SPON1: variants seen among roughly 807,000 people sequenced by gnomAD.
SPON1 encodes spondin-1.
SPON1 carries 52 observed loss-of-function variants against 111.7 expected under a neutral mutation model. The ratio of observed to expected loss-of-function variants is 0.47; its 90% CI spans 0.37 to 0.59. The LOEUF is 0.59. SPON1 is among the 20% of genes least tolerant of loss of function. SPON1 has a pLI of 0.00. For synonymous variants in SPON1, 410 were observed against 395.8 expected (o/e 1.04, Z -0.43); for missense variants, 957 against 1,068.5 (o/e 0.90, Z 1.46).
At chr11:14,049,229 C>A (rs1848690810) in intron 3 of SPON1, among the ~76,000 whole-genome samples, 1 of 152,114 alleles carries the variant, frequency 6.6e-6, no homozygotes, top group South Asian at 2.1e-4. Flanking sequence ...TGAACTCTGA[C>A]TCTTCTCTCC....
At position 14,254,821 on chromosome 11, in the gene SPON1, C is replaced by A. The variant is rs1849089196; in HGVS notation, c.1092+92C>A. ...AGAGGGGATCTGTCCCAGGCTCTGTCCTAGGTGAACTTTCAGTCTGGCTGG... is the reference window on the plus strand; with the variant it reads ...AGAGGGGATCTGTCCCAGGCTCTGTACTAGGTGAACTTTCAGTCTGGCTGG... On this transcript the variant is annotated intron_variant, in intron 8 of 15. Coordinates refer to ENST00000576479, the MANE Select transcript of SPON1 (RefSeq NM_006108.4). The A allele has an allele frequency of 8.6e-6, 11 of 1,281,510 alleles. No individual in the cohort carries two copies. The South Asian group carries it at 1.5e-4, about 18-fold the overall frequency. 79.4% of individuals were successfully genotyped at this position (1,281,510 alleles called of 1,614,324 possible).
At chr11:14,160,935 A>ATATATATTTATATATTTATATATATT (rs1847935657) in intron 6 of SPON1, among the ~76,000 whole-genome samples, 1 of 11,920 alleles carries the variant, frequency 8.4e-5, no homozygotes, top group Non-Finnish European at 1.5e-4. Context: ...TTATATATTT[A>ATATATATTTATATATTTATATATATT]TATATATATT....
At chr11:14,137,166 C>T (rs1847602147) in intron 6 of SPON1, among the ~76,000 whole-genome samples, 1 of 152,188 alleles carries the variant, frequency 6.6e-6, no homozygotes, top group Non-Finnish European at 1.5e-5. Context: ...CTGCAGGAAT[C>T]ATACATAACT....
chr11:14,000,219 C>A (rs1042944087), intron 2 of SPON1, among the ~76,000 whole-genome samples: 17 of 152,244 alleles, frequency 1.1e-4, no homozygotes, highest in African/African-American at 4.1e-4. Context: ...ATTTCCTCAT[C>A]CCTCTACCTG....
chr11:14,236,158 G>A (rs1465924148), intron 6 of SPON1, among the ~76,000 whole-genome samples: 8 of 152,138 alleles, frequency 5.3e-5, no homozygotes, highest in African/African-American at 1.7e-4. Context: ...GAGGAAGGGA[G>A]GGGAGGTAGA....
intron 5 of SPON1, among the ~76,000 whole-genome samples, chr11:14,124,701 A>G (rs1396656997): frequency 3.3e-5 from 5 of 152,266 alleles, no homozygotes; most frequent in African/African-American, 1.2e-4. Context: ...GAAAGTGGCC[A>G]TAAACAATAG....
intron 6 of SPON1, among the ~76,000 whole-genome samples, chr11:14,232,925 G>A (rs1417558219): frequency 2.0e-5 from 3 of 152,104 alleles, no homozygotes; most frequent in Non-Finnish European, 4.4e-5. Context: ...AGTAAACAGA[G>A]GCCGCAGAGG....
intron 2 of SPON1, among the ~76,000 whole-genome samples, chr11:13,991,908 T>G (rs1342329961): frequency 2.6e-5 from 4 of 152,182 alleles, no homozygotes; most frequent in African/African-American, 9.7e-5. Context: ...ACACAAAGAT[T>G]GTTGCCTGAT....
chr11:14,134,905 C>T (rs1457649780), intron 5 of SPON1: 1 of 152,304 alleles, frequency 6.6e-6, no homozygotes, highest in African/African-American at 2.4e-5. Flanking sequence ...CTAACTTTCC[C>T]CTTGACAGTT....
chr11:13,980,233 G>A (rs1447321600), intron 1 of SPON1, among the ~76,000 whole-genome samples: 1 of 151,944 alleles, frequency 6.6e-6, no homozygotes, highest in Non-Finnish European at 1.5e-5. Context: ...GTAGAGATGG[G>A]GTTTCACCAT....
In SPON1 at chr11:14,161,082, ATTTATATATATCTATATAT is replaced by A. The variant is rs1213910132; in HGVS notation, c.825+25534_825+25552del. On this transcript the variant is annotated intron_variant, in intron 6 of 15. Transcript: ENST00000576479. ...TTATATATATCTATAATTTTTATAT[ATTTATATATATCTATATAT>A]TTTATATATATCTATATATCTATAT... Among the ~76,000 whole-genome samples the A allele has an allele frequency of 1.3e-3, 49 of 38,398 alleles. 6 individuals carry two copies. The highest frequency in any genetic ancestry group is 2.1e-3 in the Non-Finnish European group (43 of 20,466). 25.2% of individuals were successfully genotyped at this position (38,398 alleles called of 152,430 possible). A position where few individuals can be genotyped will look rare whatever the true frequency, so the allele number is the denominator to read the frequency against.
chr11:14,164,512 T>A (rs1192416631), intron 6 of SPON1, among the ~76,000 whole-genome samples: 1 of 152,164 alleles, frequency 6.6e-6, no homozygotes, highest in African/African-American at 2.4e-5. Flanking sequence ...ACCTACAAAC[T>A]TTTTTACATA....
chr11:14,090,974 T>C (rs1849050009), intron 5 of SPON1, among the ~76,000 whole-genome samples: 1 of 151,968 alleles, frequency 6.6e-6, no homozygotes, highest in Non-Finnish European at 1.5e-5. Flanking sequence ...TACAGAGTTT[T>C]GACACACAGG....
Position 14,115,246 on chromosome 11 carries a change from C to T in SPON1, c.677-20174C>T, listed in dbSNP as rs552391096. ...AAAAGTAACTCTGCTTCTGCCGTCA[C>T]TCAGTTAGTTTTTCTTTATTAAAAG... On this transcript the variant is annotated intron_variant, in intron 5 of 15. Coordinates refer to ENST00000576479, the MANE Select transcript of SPON1 (RefSeq NM_006108.4). Among the ~76,000 whole-genome samples, 269 of 152,302 alleles carry T rather than the reference C, an allele frequency of 1.8e-3. 1 individual carries two copies. Among genetic ancestry groups the T allele is most frequent in the Middle Eastern group, 3.4e-3 (1 of 294 alleles).
intron 2 of SPON1, among the ~76,000 whole-genome samples, chr11:13,993,562 G>A (rs898711267): frequency 6.6e-6 from 1 of 152,126 alleles, no homozygotes; most frequent in Non-Finnish European, 1.5e-5. Context: ...GCCCTGCCCT[G>A]ATCGTCTTAT....
chr11:14,211,341 C>T (rs1554936712), intron 6 of SPON1, among the ~76,000 whole-genome samples: 1 of 152,064 alleles, frequency 6.6e-6, no homozygotes, highest in South Asian at 2.1e-4. Flanking sequence ...CAATAACAGA[C>T]AAACAGAAAG....
chr11:14,245,389 G>A (rs1232182227), intron 7 of SPON1, among the ~76,000 whole-genome samples: 1 of 152,168 alleles, frequency 6.6e-6, no homozygotes, highest in Non-Finnish European at 1.5e-5. Flanking sequence ...AGACCAAGTT[G>A]GGCCACTCCA....
At chr11:14,143,783 G>A (rs1410421424) in intron 6 of SPON1, among the ~76,000 whole-genome samples, 2 of 152,264 alleles carry the variant, frequency 1.3e-5, no homozygotes, top group African/African-American at 4.8e-5. Flanking sequence ...CCAGAGTTCA[G>A]AGCTGCACCA....
At chr11:14,094,302 C>T (rs1462651136) in intron 5 of SPON1, among the ~76,000 whole-genome samples, 1 of 151,514 alleles carries the variant, frequency 6.6e-6, no homozygotes, top group Non-Finnish European at 1.5e-5. Flanking sequence ...GAAATAATTT[C>T]CCAAGATGAA....
Sources: gnomAD v4.1 joint callset for allele counts (sites outside exome capture counted in the v4.1 genomes callset) on GRCh38, gnomAD v4.1.1 for gene constraint, MANE v1.5 for transcripts, NCBI Gene and HGNC (gene_info 2026-07-23, HGNC 2026-07-21) for gene names.